Variants in CCDC57 observed in about 807,000 individuals in gnomAD.
The protein encoded by CCDC57 is coiled-coil domain containing 57.
Under a neutral mutation model 118.9 loss-of-function variants are expected in CCDC57, and 118 were observed. The ratio of observed to expected loss-of-function variants is 0.99; its 90% CI spans 0.86 to 1.16. The LOEUF (loss-of-function observed/expected upper bound fraction) is 1.16, where lower values mean the gene tolerates loss of function less well. Ranked by LOEUF, CCDC57 falls within the 50% of genes most tolerant of loss-of-function variation. The pLI, the probability that CCDC57 is intolerant of heterozygous loss-of-function variation, is 0.00. For synonymous variants in CCDC57, 527 were observed against 532.9 expected (o/e 0.99, Z 0.15); for missense variants, 1,300 against 1,320.7 (o/e 0.98, Z 0.24).
At chr17:82,138,719 G>GTCGGAAGAGACGCGTGGCCTGC (rs1300285377) in intron 16 of CCDC57, among the ~76,000 whole-genome samples, 15 of 151,724 alleles carry the variant, frequency 9.9e-5, no homozygotes, top group Middle Eastern at 3.4e-3. Context: ...CCTGCCCCGG[G>GTCGGAAGAGACGCGTGGCCTGC]CTGTGTGTGT....
intron 16 of CCDC57, among the ~76,000 whole-genome samples, chr17:82,136,676 C>T (rs1332388431): frequency 6.6e-6 from 1 of 151,622 alleles, no homozygotes; most frequent in Non-Finnish European, 1.5e-5. Context: ...CGGCTCACTG[C>T]AGCCTCCACC....
chr17:82,121,127 TG>T (rs1328244227), intron 19 of CCDC57, among the ~76,000 whole-genome samples: 1 of 152,178 alleles, frequency 6.6e-6, no homozygotes, highest in East Asian at 1.9e-4. Context: ...GGCTCCCGCC[TG>T]TAATCCCAGC....
chr17:82,171,819 A>C (rs2044775676), exon 13 of CCDC57: 1 of 1,613,682 alleles, frequency 6.2e-7, no homozygotes, highest in Non-Finnish European at 8.5e-7. Context: ...TATGCTTTAG[A>C]GTTCGTATTT....
chr17:82,112,642 C>T (rs2035358718), intron 19 of CCDC57: 1 of 152,324 alleles, frequency 6.6e-6, no homozygotes, highest in Non-Finnish European at 1.5e-5. Context: ...TGTCCCCAGA[C>T]CCTAGTGCAG....
chr17:82,109,602 G>A (rs1238375260), intron 19 of CCDC57, among the ~76,000 whole-genome samples: 2 of 152,102 alleles, frequency 1.3e-5, no homozygotes, highest in Non-Finnish European at 2.9e-5. Flanking sequence ...TCACACCTGT[G>A]ATCCCAGCAC....
intron 14 of CCDC57, among the ~76,000 whole-genome samples, chr17:82,158,633 A>G (rs928675509): frequency 3.4e-5 from 5 of 148,728 alleles, no homozygotes; most frequent in Admixed American, 2.7e-4. Context: ...GCTTGCAGTG[A>G]GCCAAGATCG....
chr17:82,206,346 CA>C (rs1208309679), intron 2 of CCDC57, among the ~76,000 whole-genome samples: 42 of 152,270 alleles, frequency 2.8e-4, no homozygotes, highest in Admixed American at 7.2e-4. Context: ...TCTCACACGT[CA>C]CAGTCTTTTG....
At chr17:82,134,500 G>T (rs1295248559) in intron 16 of CCDC57, among the ~76,000 whole-genome samples, 1 of 152,084 alleles carries the variant, frequency 6.6e-6, no homozygotes, top group African/African-American at 2.4e-5. Flanking sequence ...GCACAAAGAA[G>T]AAGCAAAAAC....
chr17:82,203,034 G>C (rs1432453887), intron 2 of CCDC57, among the ~76,000 whole-genome samples: 1 of 152,216 alleles, frequency 6.6e-6, no homozygotes, highest in Non-Finnish European at 1.5e-5. Flanking sequence ...CCAAACCTTT[G>C]TGGAATTGTA....
intron 3 of CCDC57, among the ~76,000 whole-genome samples, chr17:82,200,827 T>C (rs998604045): frequency 2.6e-5 from 4 of 152,120 alleles, no homozygotes; most frequent in African/African-American, 9.7e-5. Context: ...ATGCTGCTTA[T>C]GTTAGAAGAA....
At position 82,193,970 on chromosome 17, in the gene CCDC57, G is replaced by T; in HGVS notation, c.776+12C>A. On this transcript the variant is annotated intron_variant, in intron 6 of 19. Coordinates refer to ENST00000665763, the Ensembl canonical transcript of CCDC57. The stretch of plus-strand genomic sequence containing the variant: ...CACAGAGCACGCCTCGGGAGATGAA[G>T]GACTCGCGCACCGGGCGCGGCTCAT... 6.2e-7 allele frequency: 1 copy of T among 1,602,694 alleles called. No individual in the cohort carries two copies. Among genetic ancestry groups the T allele is most frequent in the Non-Finnish European group, 8.5e-7 (1 of 1,174,536 alleles).
At chr17:82,159,233 A>G (rs2043028344) in intron 14 of CCDC57, among the ~76,000 whole-genome samples, 1 of 152,158 alleles carries the variant, frequency 6.6e-6, no homozygotes, top group Non-Finnish European at 1.5e-5. Flanking sequence ...TCCTGGGCTC[A>G]AGTGATCTTC....
intron 11 of CCDC57, among the ~76,000 whole-genome samples, chr17:82,174,710 T>C (rs2146311052): frequency 6.6e-6 from 1 of 152,362 alleles, no homozygotes; most frequent in Non-Finnish European, 1.5e-5. Context: ...TAATGAAGGA[T>C]TTAGAGCCCT....
At chr17:82,187,709 G>A (rs1251258147) in intron 8 of CCDC57, among the ~76,000 whole-genome samples, 2 of 86,850 alleles carry the variant, frequency 2.3e-5, no homozygotes, top group East Asian at 8.2e-4. Context: ...CGGGGGTCGG[G>A]GGGAGCCGGC....
intron 4 of CCDC57, among the ~76,000 whole-genome samples, chr17:82,195,606 C>T (rs939674968): frequency 6.6e-6 from 1 of 151,892 alleles, no homozygotes; most frequent in African/African-American, 2.4e-5. Context: ...CAGTGAGGCC[C>T]TGTCGCTACA....
chr17:82,101,825 T>C (rs2034469735), exon 20 of CCDC57: 2 of 1,591,596 alleles, frequency 1.3e-6, no homozygotes, highest in African/African-American at 2.7e-5. Flanking sequence ...CCTGCCTGCA[T>C]CTTGACGGGC....
chr17:82,157,765 C>A, exon 15 of CCDC57: 3 of 1,599,772 alleles, frequency 1.9e-6, no homozygotes, highest in Non-Finnish European at 2.6e-6. Context: ...CCAAGGGCCA[C>A]GGCGTCCGAG....
In CCDC57 at chr17:82,192,146, C is replaced by T. The variant is rs903101880; in HGVS notation, c.851+1610G>A. Among the ~76,000 whole-genome samples the T allele has an allele frequency of 1.3e-5, 2 of 151,942 alleles. No individual in the cohort carries two copies. Among genetic ancestry groups the T allele is most frequent in the African/African-American group, 4.8e-5 (2 of 41,354 alleles). On this transcript the variant is annotated intron_variant, in intron 7 of 19. Coordinates refer to ENST00000665763, the Ensembl canonical transcript of CCDC57. The surrounding 1 kb of genome is among the most constrained non-coding windows in gnomAD (Gnocchi z 4.0). The stretch of plus-strand genomic sequence containing the variant: ...GATTACAGGCGTGCACCACCACGCC[C>T]GGCTAATTTTGTATTTTTCGTAGAG...
chr17:82,108,208 C>T (rs1020514836), intron 19 of CCDC57, among the ~76,000 whole-genome samples: 32 of 152,226 alleles, frequency 2.1e-4, no homozygotes, highest in South Asian at 2.1e-4. Flanking sequence ...GAGTGACCTG[C>T]GGCCGCTCTG....
Sources: allele counts gnomAD v4.1 joint callset (sites outside exome capture counted in the v4.1 genomes callset), GRCh38; gene constraint gnomAD v4.1.1; non-coding constraint Gnocchi (gnomAD v3.1); transcripts MANE v1.5; gene names NCBI Gene and HGNC (gene_info 2026-07-23, HGNC 2026-07-21).